Variants in VNN2 observed in about 807,000 individuals in gnomAD.
VNN2 encodes vanin 2.
In VNN2, 43 loss-of-function variants were observed where a neutral mutation model predicts 43.0. That is an observed-to-expected ratio of 1.00 (90% CI 0.78 to 1.29). The LOEUF (loss-of-function observed/expected upper bound fraction) is 1.29, where lower values mean the gene tolerates loss of function less well. Ranked by LOEUF, VNN2 falls within the 50% of genes most tolerant of loss-of-function variation. The pLI, the probability that VNN2 is intolerant of heterozygous loss-of-function variation, is 0.00. For missense variants in VNN2, 652 were observed against 619.7 expected (o/e 1.05, Z -0.55); for synonymous variants, 230 against 224.3 (o/e 1.03, Z -0.23).
Position 132,751,168 on chromosome 6 carries a change from G to T in VNN2, c.1177C>A (p.Arg393=), listed in dbSNP as rs148308586. The T allele has an allele frequency of 6.2e-7, 1 of 1,604,228 alleles. No individual in the cohort carries two copies. Among genetic ancestry groups the T allele is most frequent in the Non-Finnish European group, 8.5e-7 (1 of 1,175,406 alleles). The change falls in exon 5 of 7, where the codon CGA becomes AGA. Residue 393 remains arginine, a synonymous_variant. Coordinates refer to ENST00000326499, the MANE Select transcript of VNN2 (RefSeq NM_004665.6). ...VLGAFTGLHG[R]RRREYWQVCT... The stretch of plus-strand genomic sequence containing the variant: ...ACCTGCCAGTACTCTCTTCTCCTTC[G>T]GCCATGTAATCCTGTAAAAGCTCCT...
chr6:132,753,418 C>T (rs1165474178), intron 3 of VNN2: 2 of 435,776 alleles, frequency 4.6e-6, no homozygotes, highest in East Asian at 1.4e-4. Context: ...TAATAAATAC[C>T]TGTAAGTCAG....
Position 132,744,135 on chromosome 6 carries a change from C to A in VNN2, c.*165G>T. On this transcript the variant is annotated 3_prime_UTR_variant, in exon 7 of 7. Transcript: ENST00000326499. ...TCAGAGTAGCCAAAAAAATGGACAACATTATCATAATACTTAAAAAATAAT... is the reference window on the plus strand; with the variant it reads ...TCAGAGTAGCCAAAAAAATGGACAAAATTATCATAATACTTAAAAAATAAT... 1.7e-6 allele frequency: 1 copy of A among 576,644 alleles called. No homozygotes were observed. The highest frequency in any genetic ancestry group is 2.8e-6 in the Non-Finnish European group (1 of 361,706). 35.7% of individuals were successfully genotyped at this position (576,644 alleles called of 1,614,324 possible).
chr6:132,755,911 C>T lies in VNN2; in HGVS notation c.469G>A (p.Gly157Ser), dbSNP rs1449657507. The change falls in exon 3 of 7, where the codon GGC becomes AGC. Residue 157 changes from glycine (G) to serine (S), a missense_variant. Physicochemically the swap from Gly to Ser is moderately conservative, Grantham distance 56 (BLOSUM62 0). Coordinates refer to ENST00000326499, the MANE Select transcript of VNN2 (RefSeq NM_004665.6). The part of the protein sequence containing the change: ...NSRDSTCPPN[G>S]YFQYNTNVVY... ...ACATTGGTATTGTATTGAAAGTAGC[C>T]ATTAGGAGGACATGTGGAGTCACGG... The T allele has an allele frequency of 6.2e-7, 1 of 1,614,024 alleles. No homozygotes were observed. Among genetic ancestry groups the T allele is most frequent in the Admixed American group, 1.7e-5 (1 of 60,020 alleles).
At chr6:132,761,974 T>A (rs76788802), upstream of VNN2, among the ~76,000 whole-genome samples, 4,298 of 152,306 alleles carry the variant, frequency 0.028, 192 homozygotes, top group African/African-American at 0.099. Flanking sequence ...AGTGAGTGAC[T>A]ATTTAGTAAT....
Position 132,744,477 on chromosome 6 carries a change from C to T in VNN2, c.1386G>A (p.Gly462=), listed in dbSNP as rs777836535. The T allele has an allele frequency of 2.5e-6, 4 of 1,578,854 alleles. No homozygotes were observed. Among genetic ancestry groups the T allele is most frequent in the Non-Finnish European group, 3.4e-6 (4 of 1,167,192 alleles). The change falls in exon 7 of 7, where the codon GGG becomes GGA. Residue 462 remains glycine (G), a synonymous_variant. Coordinates refer to ENST00000326499, the MANE Select transcript of VNN2 (RefSeq NM_004665.6). ...ATGATCCATTCTTGTTTACCAAACGCCCATCTTTCAGCACCTAAAGAAAAG... is the reference window on the plus strand; with the variant it reads ...ATGATCCATTCTTGTTTACCAAACGTCCATCTTTCAGCACCTAAAGAAAAG... The part of the protein sequence containing the change: ...SPGKFEVLKD[G]RLVNKNGSSG...
upstream of VNN2, among the ~76,000 whole-genome samples, chr6:132,758,964 C>G: frequency 1.4e-5 from 2 of 147,346 alleles, no homozygotes; most frequent in South Asian, 4.2e-4. Context: ...CCCTACTTCT[C>G]CTTCTCCTCC....
In VNN2 at chr6:132,744,075, C is replaced by T; in HGVS notation, c.*225G>A. 5.4e-6 allele frequency: 2 copies of T among 370,310 alleles called. No individual in the cohort carries two copies. Among genetic ancestry groups the T allele is most frequent in the Non-Finnish European group, 9.5e-6 (2 of 210,798 alleles). The allele number at this position is 370,310 out of a possible 1,614,324, so 22.9% of individuals were successfully genotyped here. ...GATCTTCATTTATCTGACCCAAACA[C>T]CCAGGCTCTTTCCATTGTTCCACAC... On this transcript the variant is annotated 3_prime_UTR_variant, in exon 7 of 7. Coordinates refer to ENST00000326499, the MANE Select transcript of VNN2 (RefSeq NM_004665.6).
intron 3 of VNN2, among the ~76,000 whole-genome samples, chr6:132,755,292 CT>C (rs35767700): frequency 9.6e-4 from 135 of 141,342 alleles, no homozygotes; most frequent in African/African-American, 1.6e-3. Flanking sequence ...CATCATGCTA[CT>C]TTTTTTTTTT....
In VNN2 at chr6:132,751,202, T is replaced by C. The variant is rs544751558; in HGVS notation, c.1143A>G (p.Val381=). ...ATCCTGTAAAAGCTCCTAGAACGTA[T>C]ACTTCATTCTCTTCTTTTTGTAACA... ...YRMLQKEENE[V]YVLGAFTGLH... The change falls in exon 5 of 7, where the codon GTA becomes GTG. Residue 381 remains valine, a synonymous_variant. Transcript: ENST00000326499. 1.8e-4 allele frequency: 295 copies of C among 1,614,106 alleles called. 3 individuals carry two copies. The South Asian group carries it at 2.7e-3, about 15-fold the overall frequency.
rs201320317 is a variant in VNN2 at position 132,757,891 on chromosome 6, G to A, written c.-8C>T. 2.5e-6 allele frequency: 4 copies of A among 1,607,360 alleles called. No individual in the cohort carries two copies. The highest frequency in any genetic ancestry group is 2.2e-5 in the East Asian group (1 of 44,744). ...AAAAGAGGAAGTGACCATGGCCAAG[G>A]TTTAGTGATTTCTGAAAGCAAAAAT... On this transcript the variant is annotated 5_prime_UTR_variant, in exon 1 of 7. Transcript: ENST00000326499.
upstream of VNN2, among the ~76,000 whole-genome samples, chr6:132,761,110 A>AT (rs1397075851): frequency 3.9e-5 from 6 of 152,186 alleles, no homozygotes; most frequent in Non-Finnish European, 7.3e-5. Context: ...AAAAAACCAA[A>AT]TTCAGGACAT....
At chr6:132,762,743 G>A (rs1412472740), upstream of VNN2, among the ~76,000 whole-genome samples, 1 of 152,164 alleles carries the variant, frequency 6.6e-6, no homozygotes, top group Non-Finnish European at 1.5e-5. Context: ...ATATATCACA[G>A]CCTTGGATTC....
At chr6:132,745,564 C>A (rs1197631084) in intron 6 of VNN2, among the ~76,000 whole-genome samples, 1 of 152,154 alleles carries the variant, frequency 6.6e-6, no homozygotes, top group Non-Finnish European at 1.5e-5. Context: ...AATATTGACA[C>A]AATGAAAACT....
upstream of VNN2, chr6:132,757,995 TC>T: frequency 8.0e-6 from 4 of 500,332 alleles, no homozygotes; most frequent in Non-Finnish European, 6.4e-6. Flanking sequence ...TACTTTATCA[TC>T]ATTTTTCTTC....
At chr6:132,754,980 C>A (rs559351944) in intron 3 of VNN2, among the ~76,000 whole-genome samples, 1 of 152,232 alleles carries the variant, frequency 6.6e-6, no homozygotes, top group African/African-American at 2.4e-5. Context: ...TCAAAGACAG[C>A]CTGGGCAATG....
intron 4 of VNN2, among the ~76,000 whole-genome samples, chr6:132,752,198 T>C (rs1780150664): frequency 6.6e-6 from 1 of 152,200 alleles, no homozygotes; most frequent in African/African-American, 2.4e-5. Flanking sequence ...GCACTCTCTG[T>C]ATGTCAATTT....
upstream of VNN2, among the ~76,000 whole-genome samples, chr6:132,758,190 G>C (rs1183802566): frequency 2.0e-5 from 3 of 151,506 alleles, no homozygotes; most frequent in Non-Finnish European, 2.9e-5. Flanking sequence ...GACTACAGGT[G>C]CGCGCCACCA....
chr6:132,763,182 C>T (rs991911212), intron 1 of VNN2, among the ~76,000 whole-genome samples: 6 of 150,412 alleles, frequency 4.0e-5, no homozygotes, highest in Non-Finnish European at 7.4e-5. Context: ...GAGAGACATG[C>T]GTTTGAAAGG....
At chr6:132,748,506 G>C (rs1047328773) in intron 6 of VNN2, among the ~76,000 whole-genome samples, 3 of 152,144 alleles carry the variant, frequency 2.0e-5, no homozygotes, top group Admixed American at 2.0e-4. Flanking sequence ...CAATTTTAAA[G>C]ACTTCCTTAC....
Sources: allele counts gnomAD v4.1 joint callset (sites outside exome capture counted in the v4.1 genomes callset), GRCh38; gene constraint gnomAD v4.1.1; transcripts MANE v1.5; gene names NCBI Gene and HGNC (gene_info 2026-07-23, HGNC 2026-07-21).